The following NDFIP2 variants were observed in gnomAD, a reference collection of about 807,000 sequenced individuals.
The protein encoded by NDFIP2 is NEDD4 family-interacting protein 2.
In NDFIP2, 19 loss-of-function variants were observed where a neutral mutation model predicts 36.0. That is an observed-to-expected ratio of 0.53 (90% CI 0.37 to 0.77). The LOEUF is 0.77. Ranked by LOEUF, NDFIP2 falls within the 30% of genes least tolerant of loss-of-function variation. NDFIP2 has a pLI of 0.00. For missense variants in NDFIP2, 446 were observed against 435.8 expected (o/e 1.02, Z -0.21); for synonymous variants, 181 against 167.7 (o/e 1.08, Z -0.61).
At chr13:79,530,574 C>G (rs1161994038) in intron 2 of NDFIP2, among the ~76,000 whole-genome samples, 1 of 152,170 alleles carries the variant, frequency 6.6e-6, no homozygotes, top group East Asian at 1.9e-4. Context: ...TCTCTCAATC[C>G]CTGCCACTGC....
chr13:79,504,677 T>A (rs1389603051), intron 1 of NDFIP2, among the ~76,000 whole-genome samples: 1 of 152,110 alleles, frequency 6.6e-6, no homozygotes, highest in Non-Finnish European at 1.5e-5. Flanking sequence ...TTTAGAAAGG[T>A]TCAGGTCAGT....
At chr13:79,541,773 A>T (rs755912411) in intron 4 of NDFIP2, among the ~76,000 whole-genome samples, 22 of 152,310 alleles carry the variant, frequency 1.4e-4, no homozygotes, top group Non-Finnish European at 2.1e-4. Flanking sequence ...CAGGTTATAT[A>T]ACTTGCACAA....
intron 1 of NDFIP2, among the ~76,000 whole-genome samples, chr13:79,510,910 A>T (rs1336632598): frequency 2.0e-5 from 3 of 151,272 alleles, no homozygotes; most frequent in Admixed American, 6.6e-5. Flanking sequence ...GAGGCAGGAT[A>T]ATAGCTTTAA....
chr13:79,500,753 G>A (rs754521872), intron 1 of NDFIP2, among the ~76,000 whole-genome samples: 5 of 151,974 alleles, frequency 3.3e-5, no homozygotes, highest in Non-Finnish European at 7.4e-5. Context: ...TAGTTTGACA[G>A]TTTCTTATAA....
At chr13:79,482,692 A>G (rs1283361158) in intron 1 of NDFIP2, among the ~76,000 whole-genome samples, 1 of 152,216 alleles carries the variant, frequency 6.6e-6, no homozygotes, top group Non-Finnish European at 1.5e-5. Flanking sequence ...GAACTGTAAG[A>G]TGAGATCCTA....
At chr13:79,512,009 A>G (rs553423921) in intron 1 of NDFIP2, among the ~76,000 whole-genome samples, 8 of 152,288 alleles carry the variant, frequency 5.3e-5, no homozygotes, top group South Asian at 2.1e-4. Flanking sequence ...ATATTTTTCT[A>G]TGCTTTAATG....
intron 1 of NDFIP2, among the ~76,000 whole-genome samples, chr13:79,505,908 T>G (rs1354006021): frequency 1.3e-5 from 2 of 152,182 alleles, no homozygotes; most frequent in Non-Finnish European, 2.9e-5. Flanking sequence ...TAGTGTTAAA[T>G]TATTGATGGC....
At chr13:79,500,780 A>C (rs1594843435) in intron 1 of NDFIP2, among the ~76,000 whole-genome samples, 1 of 152,034 alleles carries the variant, frequency 6.6e-6, no homozygotes, top group Non-Finnish European at 1.5e-5. Flanking sequence ...ACATACTCTT[A>C]CCATACTATC....
At chr13:79,524,616 G>C (rs1034177761) in intron 2 of NDFIP2, among the ~76,000 whole-genome samples, 5 of 152,204 alleles carry the variant, frequency 3.3e-5, no homozygotes, top group African/African-American at 1.2e-4. Flanking sequence ...ATGGTCAGCT[G>C]CATTGTCTAT....
chr13:79,522,334 A>G (rs1171033505), intron 2 of NDFIP2, among the ~76,000 whole-genome samples: 1 of 152,170 alleles, frequency 6.6e-6, no homozygotes, highest in African/African-American at 2.4e-5. Flanking sequence ...AGACTTTGCT[A>G]CCTTAGATTA....
intron 6 of NDFIP2, among the ~76,000 whole-genome samples, chr13:79,549,426 T>G (rs1875816019): frequency 6.6e-6 from 1 of 151,934 alleles, no homozygotes; most frequent in Admixed American, 6.6e-5. Context: ...ATATATTATT[T>G]AGAGATTGGA....
At chr13:79,516,734 A>G (rs1874356923) in intron 1 of NDFIP2, among the ~76,000 whole-genome samples, 1 of 152,194 alleles carries the variant, frequency 6.6e-6, no homozygotes, top group African/African-American at 2.4e-5. Context: ...AGAAACAAGA[A>G]GAGGTCACAT....
chr13:79,489,686 A>G (rs1358635485), intron 1 of NDFIP2, among the ~76,000 whole-genome samples: 1 of 152,168 alleles, frequency 6.6e-6, no homozygotes, highest in Non-Finnish European at 1.5e-5. Context: ...GTTGATGAGT[A>G]TTGTAAATGT....
intron 3 of NDFIP2, among the ~76,000 whole-genome samples, chr13:79,537,130 C>T (rs1188811969): frequency 2.6e-5 from 4 of 151,264 alleles, no homozygotes; most frequent in East Asian, 1.9e-4. Flanking sequence ...GTTTTTGAGG[C>T]GCAGTCTCAC....
In NDFIP2 at chr13:79,481,281, T is replaced by C; in HGVS notation, c.78T>C (p.Leu26=). 2.0e-6 allele frequency: 3 copies of C among 1,538,178 alleles called. No homozygotes were observed. Among genetic ancestry groups the C allele is most frequent in the Non-Finnish European group, 2.6e-6 (3 of 1,146,162 alleles). Residue 26 remains leucine, a synonymous_variant, in exon 1 of 8, where the codon CTT becomes CTC. Transcript: ENST00000218652. ...MLNSARGAPE[L]LRGTATNAEV... ...ATAGCGCGCGCGGCGCCCCGGAGCT[T>C]CTCCGCGGAACCGCGACCAACGCGG...
At chr13:79,517,197 A>T (rs747580890) in intron 1 of NDFIP2, among the ~76,000 whole-genome samples, 1 of 152,082 alleles carries the variant, frequency 6.6e-6, no homozygotes, top group East Asian at 1.9e-4. Context: ...TTCATGTGCT[A>T]TATTGCCCAC....
chr13:79,531,999 A>C (rs1875035803), intron 2 of NDFIP2, among the ~76,000 whole-genome samples: 3 of 152,306 alleles, frequency 2.0e-5, no homozygotes, highest in African/African-American at 7.2e-5. Context: ...TTTGAATTAG[A>C]GTGAGAGACG....
Position 79,554,854 on chromosome 13 carries a change from A to G in NDFIP2, c.*2341A>G, listed in dbSNP as rs1048717874. On this transcript the variant is annotated 3_prime_UTR_variant, in exon 8 of 8. Coordinates refer to ENST00000218652, the MANE Select transcript of NDFIP2 (RefSeq NM_019080.3). The stretch of plus-strand genomic sequence containing the variant: ...GGAAGTTAATACAAAAAAATTTCAA[A>G]TTATTTCTATTGTAAATGAATAAGC... 5.3e-5 allele frequency: 8 copies of G among 151,914 alleles called. No homozygotes were observed. The highest frequency in any genetic ancestry group is 2.0e-4 in the Admixed American group (3 of 15,244). The allele number at this position is 151,914 out of a possible 1,614,324, so 9.4% of individuals were successfully genotyped here.
At chr13:79,485,496 G>T (rs988582654) in intron 1 of NDFIP2, among the ~76,000 whole-genome samples, 3 of 152,208 alleles carry the variant, frequency 2.0e-5, no homozygotes, top group Non-Finnish European at 4.4e-5. Flanking sequence ...CCACTGGAAA[G>T]AAGTGTTGCA....
Sources: gnomAD v4.1 joint callset for allele counts (sites outside exome capture counted in the v4.1 genomes callset) on GRCh38, gnomAD v4.1.1 for gene constraint, MANE v1.5 for transcripts, NCBI Gene and HGNC (gene_info 2026-07-23, HGNC 2026-07-21) for gene names.